The following FBXO17 variants were observed in gnomAD, a reference collection of about 807,000 sequenced individuals.
FBXO17 encodes F-box only protein 17.
In FBXO17, 43 loss-of-function variants were observed where a neutral mutation model predicts 34.1. That is an observed-to-expected ratio of 1.26 (90% CI 0.99 to 1.62). FBXO17 has a LOEUF of 1.62. Among genes scored for constraint, FBXO17 ranks in the 40% most tolerant of loss-of-function variants. The pLI is 0.00. For synonymous variants in FBXO17, 169 were observed against 166.0 expected, an observed-to-expected ratio of 1.02 and a Z score of -0.14; for missense variants, 424 against 386.7, an observed-to-expected ratio of 1.10 and a Z score of -0.81.
intron 1 of FBXO17, among the ~76,000 whole-genome samples, chr19:38,963,712 C>G (rs1214995581): frequency 6.6e-6 from 1 of 152,058 alleles, no homozygotes; most frequent in Admixed American, 6.6e-5. Flanking sequence ...TGGGTTGTTT[C>G]CAGCTTAGGG....
rs746181933 is a variant in FBXO17 at position 38,946,571 on chromosome 19, G to A, written c.462-4C>T. The A allele has an allele frequency of 3.1e-6, 5 of 1,613,934 alleles. No homozygotes were observed. In the Admixed American group the frequency reaches 8.3e-5, roughly 27 times the overall value. ...AAGCTGCCTCTTGGAGCACCATCTGGGAAGGAGAGATGGCAGGGGGCAGGG... is the reference window on the plus strand; with the variant it reads ...AAGCTGCCTCTTGGAGCACCATCTGAGAAGGAGAGATGGCAGGGGGCAGGG... On this transcript the variant is annotated splice_region_variant and splice_polypyrimidine_tract_variant and intron_variant, in intron 3 of 5. Transcript: ENST00000292852.
intron 5 of FBXO17, among the ~76,000 whole-genome samples, chr19:38,944,296 C>T (rs1339730907): frequency 1.1e-5 from 1 of 87,094 alleles, no homozygotes; most frequent in Admixed American, 1.3e-4. Context: ...TAGTTAGCGT[C>T]TCAGTCTGTT....
At chr19:38,974,873 T>C (rs1029049321) in intron 1 of FBXO17, among the ~76,000 whole-genome samples, 2 of 152,122 alleles carry the variant, frequency 1.3e-5, no homozygotes, top group Non-Finnish European at 2.9e-5. Context: ...CATGCAAAGC[T>C]CTGTCCTGTC....
In FBXO17 at chr19:38,953,980, G is replaced by T. The variant is rs545484285; in HGVS notation, c.-17-3644C>A. On this transcript the variant is annotated intron_variant, in intron 1 of 5. Transcript: ENST00000292852. ...AGGGAGAGTGAAAGGGGGGGAGGAG[G>T]TGTTGGAAAGGATTAGAGGAGAAGG... is the stretch of plus-strand genomic sequence containing the variant. Among the ~76,000 whole-genome samples, 4 of 152,156 alleles carry T rather than the reference G, an allele frequency of 2.6e-5. No homozygotes were observed. The South Asian group carries it at 8.3e-4, about 32-fold the overall frequency.
chr19:38,951,554 C>T (rs963318556), intron 1 of FBXO17, among the ~76,000 whole-genome samples: 2 of 151,122 alleles, frequency 1.3e-5, no homozygotes, highest in Admixed American at 6.6e-5. Flanking sequence ...TAAGATGGTA[C>T]TTTAGGATGA....
At chr19:38,962,694 A>G (rs1438784256) in intron 1 of FBXO17, among the ~76,000 whole-genome samples, 1 of 150,290 alleles carries the variant, frequency 6.7e-6, no homozygotes, top group Non-Finnish European at 1.5e-5. Context: ...TGTATCTGCT[A>G]TTTCTTTCTT....
rs1437295626 is a variant in FBXO17 at position 38,959,398 on chromosome 19, C to T, written c.-17-9062G>A. ...GATTCAAGCAATTGTCCTGCCTCAGCCTCCAGAGTAGCTGGGATTACAGGC... is the reference window on the plus strand; with the variant it reads ...GATTCAAGCAATTGTCCTGCCTCAGTCTCCAGAGTAGCTGGGATTACAGGC... On this transcript the variant is annotated intron_variant, in intron 1 of 5. Transcript: ENST00000292852. Among the ~76,000 whole-genome samples, 6 of 151,678 alleles carry T rather than the reference C, an allele frequency of 4.0e-5. No individual in the cohort carries two copies. In the South Asian group the frequency reaches 1.0e-3, roughly 26 times the overall value.
intron 1 of FBXO17, among the ~76,000 whole-genome samples, chr19:38,962,900 C>T (rs1029683757): frequency 6.6e-6 from 1 of 151,778 alleles, no homozygotes; most frequent in Non-Finnish European, 1.5e-5. Flanking sequence ...GTAGTAGGGA[C>T]GGGGTTTCAC....
chr19:38,944,526 G>T (rs1600186840), intron 5 of FBXO17, among the ~76,000 whole-genome samples: 1 of 152,176 alleles, frequency 6.6e-6, no homozygotes, highest in South Asian at 2.1e-4. Context: ...TTACAGGTAT[G>T]AGCCACTGTG....
Position 38,950,070 on chromosome 19 carries a change from T to G in FBXO17, c.250A>C (p.Ser84Arg), listed in dbSNP as rs753693068. 141 of 1,569,012 alleles carry G rather than the reference T, an allele frequency of 9.0e-5. No individual in the cohort carries two copies. The highest frequency in any genetic ancestry group is 1.7e-4 in the Middle Eastern group (1 of 6,032). ...LYAVAQRCLP[S>R]NEDKEEFPLC... ...GGGAACTCCTCCTTGTCTTCGTTGCTGGGCAGGCAGCGTTGAGCCACTGCG... is the reference window on the plus strand; with the variant it reads ...GGGAACTCCTCCTTGTCTTCGTTGCGGGGCAGGCAGCGTTGAGCCACTGCG... The change falls in exon 2 of 6, where the codon AGC becomes CGC. Residue 84 changes from serine (S) to arginine (R), a missense_variant. By Grantham distance (110) the Ser-to-Arg change is moderately radical. Transcript: ENST00000292852.
At chr19:38,959,241 A>ATT (rs1975212272) in intron 1 of FBXO17, among the ~76,000 whole-genome samples, 1 of 150,416 alleles carries the variant, frequency 6.6e-6, no homozygotes, top group Admixed American at 6.7e-5. Context: ...GGATCATAAA[A>ATT]GAGTATGCAG....
chr19:38,961,762 AG>A, intron 1 of FBXO17, among the ~76,000 whole-genome samples: 1 of 152,046 alleles, frequency 6.6e-6, no homozygotes. Context: ...TCCGGGTTCA[AG>A]AGATTTTTTC....
chr19:38,960,784 A>T (rs887951878), intron 1 of FBXO17, among the ~76,000 whole-genome samples: 1 of 146,126 alleles, frequency 6.8e-6, no homozygotes, highest in South Asian at 2.2e-4. Flanking sequence ...CTGGGACTAC[A>T]GGCATGAGCC....
intron 1 of FBXO17, among the ~76,000 whole-genome samples, chr19:38,959,789 G>A (rs1236098558): frequency 1.3e-5 from 2 of 152,008 alleles, no homozygotes; most frequent in Non-Finnish European, 2.9e-5. Context: ...CCACATACTC[G>A]GGAGGCTGAG....
chr19:38,968,296 G>A (rs1568446201), intron 1 of FBXO17, among the ~76,000 whole-genome samples: 1 of 144,548 alleles, frequency 6.9e-6, no homozygotes, highest in Non-Finnish European at 1.5e-5. Flanking sequence ...TCTAGCCTGG[G>A]CAACAGAGCA....
At position 38,945,105 on chromosome 19, in the gene FBXO17, C is replaced by T. The variant is rs1336158369; in HGVS notation, c.558-1G>A. The T allele has an allele frequency of 6.2e-7, 1 of 1,614,064 alleles. No homozygotes were observed. The highest frequency in any genetic ancestry group is 1.7e-5 in the Admixed American group (1 of 60,020). On this transcript the variant is annotated splice_acceptor_variant, in intron 4 of 5. Transcript: ENST00000292852. LOFTEE classifies it high-confidence loss of function. ...GCCGCAGTTCTCTCGAGCGCCCCACCTGCCAGGCAGCAGTCAGCCTCTATG... is the reference window on the plus strand; with the variant it reads ...GCCGCAGTTCTCTCGAGCGCCCCACTTGCCAGGCAGCAGTCAGCCTCTATG...
At chr19:38,964,551 T>G (rs1358773033) in intron 1 of FBXO17, among the ~76,000 whole-genome samples, 2 of 152,100 alleles carry the variant, frequency 1.3e-5, no homozygotes, top group African/African-American at 4.8e-5. Context: ...GGGGGATTGC[T>G]TGAGGCCAGG....
At chr19:38,953,419 T>G (rs989717815) in intron 1 of FBXO17, among the ~76,000 whole-genome samples, 3 of 151,972 alleles carry the variant, frequency 2.0e-5, no homozygotes, top group Non-Finnish European at 4.4e-5. Context: ...TCCCAGCACT[T>G]TGGGAGGCTG....
At chr19:38,960,325 A>C (rs1172466971) in intron 1 of FBXO17, among the ~76,000 whole-genome samples, 3 of 151,156 alleles carry the variant, frequency 2.0e-5, no homozygotes, top group African/African-American at 7.3e-5. Flanking sequence ...GACTGGGATC[A>C]GCTATGCGGT....
Sources: gnomAD v4.1 joint callset for allele counts (sites outside exome capture counted in the v4.1 genomes callset) on GRCh38, gnomAD v4.1.1 for gene constraint, MANE v1.5 for transcripts, NCBI Gene and HGNC (gene_info 2026-07-23, HGNC 2026-07-21) for gene names.